TIMELESS: variants seen among roughly 807,000 people sequenced by gnomAD.
TIMELESS encodes protein timeless homolog.
Under a neutral mutation model 164.3 loss-of-function variants are expected in TIMELESS, and 124 were observed. That is an observed-to-expected ratio of 0.75 (90% CI 0.65 to 0.88). The LOEUF is 0.88. Among genes scored for constraint, TIMELESS ranks in the 40% least tolerant of loss-of-function variants. The pLI is 0.00. For missense variants in TIMELESS, 1,422 were observed against 1,491.4 expected, an observed-to-expected ratio of 0.95 and a Z score of 0.77; for synonymous variants, 564 against 563.4, an observed-to-expected ratio of 1.00 and a Z score of -0.02.
Position 56,433,109 on chromosome 12 carries a change from C to T in TIMELESS, c.448G>A (p.Glu150Lys). ...CGTTCAATCAGCAAGTTGTCTTCCT[C>T]CTGCCGTTCCTCCCAGCCCTAACCA... Reference protein sequence around the residue: ...LLQLGWEERQEEDNLLIERIL... With the variant: ...LLQLGWEERQKEDNLLIERIL... Residue 150 changes from glutamate to lysine, a missense_variant, in exon 6 of 29, where the codon GAG becomes AAG. Transcript: ENST00000553532. 6.2e-7 allele frequency: 1 copy of T among 1,614,158 alleles called. No individual in the cohort carries two copies. The highest frequency in any genetic ancestry group is 8.5e-7 in the Non-Finnish European group (1 of 1,180,022).
At chr12:56,437,351 T>C (rs1882105283) in intron 1 of TIMELESS, among the ~76,000 whole-genome samples, 1 of 151,928 alleles carries the variant, frequency 6.6e-6, no homozygotes, top group South Asian at 2.1e-4. Context: ...AGAAAGGAAA[T>C]CATTTGTACA....
chr12:56,445,984 C>T (rs1868345417), intron 1 of TIMELESS, among the ~76,000 whole-genome samples: 1 of 152,170 alleles, frequency 6.6e-6, no homozygotes, highest in Non-Finnish European at 1.5e-5. Context: ...CAGCTCCCGG[C>T]AGCCTCAACC....
chr12:56,434,008 G>T, intron 2 of TIMELESS, 66 bp downstream of exon 2: 1 of 1,611,522 alleles, frequency 6.2e-7, no homozygotes, highest in Non-Finnish European at 8.5e-7. Context: ...CCCATGGTTT[G>T]AGGAATTCAA....
chr12:56,418,408 C>G (rs1286904563), intron 26 of TIMELESS, 49 bp from the exon 27 acceptor site: 1 of 1,380,110 alleles, frequency 7.2e-7, no homozygotes. Flanking sequence ...TTTTTGTTTC[C>G]CAGAGTATGA....
In TIMELESS at chr12:56,433,571, C is replaced by CA; in HGVS notation, c.332dup (p.Leu111PhefsTer17). The CA allele has an allele frequency of 6.2e-7, 1 of 1,614,158 alleles. No individual in the cohort carries two copies. Among genetic ancestry groups the CA allele is most frequent in the Non-Finnish European group, 8.5e-7 (1 of 1,180,032 alleles). On this transcript the variant is annotated frameshift_variant, in exon 4 of 29. Coordinates refer to ENST00000553532, the MANE Select transcript of TIMELESS (RefSeq NM_003920.5). LOFTEE classifies it high-confidence loss of function. Reference sequence around the variant, plus strand: ...AGGCCTGCAAATAAGTTAGCACCTGCAAAAAATGGTGCCGAAAGCTGGGCT... The same window carrying CA: ...AGGCCTGCAAATAAGTTAGCACCTGCAAAAAAATGGTGCCGAAAGCTGGGCT...
Position 56,433,045 on chromosome 12 carries a change from G to T in TIMELESS, c.512C>A (p.Ala171Asp). 6.2e-7 allele frequency: 1 copy of T among 1,612,598 alleles called. No homozygotes were observed. Among genetic ancestry groups the T allele is most frequent in the Non-Finnish European group, 8.5e-7 (1 of 1,179,710 alleles). The stretch of plus-strand genomic sequence containing the variant: ...CCTCACCTTCTCCTGATCAAGGTCA[G>T]CTGGGACATGGAGAATATTTCTGAC... ...LLVRNILHVP[A>D]DLDQEKKIDD... Residue 171 changes from alanine (A) to aspartate (D), a missense_variant, in exon 6 of 29, where the codon GCT (alanine) becomes GAT (aspartate). Coordinates refer to ENST00000553532, the MANE Select transcript of TIMELESS (RefSeq NM_003920.5).
At chr12:56,436,866 T>C (rs1882086289) in intron 1 of TIMELESS, among the ~76,000 whole-genome samples, 1 of 152,152 alleles carries the variant, frequency 6.6e-6, no homozygotes, top group African/African-American at 2.4e-5. Flanking sequence ...GGGCTTCATT[T>C]TGTTTTGCTC....
At chr12:56,438,244 C>A (rs1194824316) in intron 1 of TIMELESS, among the ~76,000 whole-genome samples, 2 of 152,054 alleles carry the variant, frequency 1.3e-5, no homozygotes, top group Non-Finnish European at 2.9e-5. Context: ...GAGGTTTCTC[C>A]ATGTTGGTCA....
At chr12:56,448,607 T>A (rs1868436101) in intron 1 of TIMELESS, among the ~76,000 whole-genome samples, 1 of 150,216 alleles carries the variant, frequency 6.7e-6, no homozygotes, top group South Asian at 2.1e-4. Context: ...CGCGCGCCTG[T>A]AATCCCAGCT....
chr12:56,423,714 A>G lies in TIMELESS; in HGVS notation c.1967-7T>C, dbSNP rs1881581973. On this transcript the variant is annotated splice_region_variant and splice_polypyrimidine_tract_variant and intron_variant, in intron 16 of 28. Transcript: ENST00000553532. Reference sequence around the variant, plus strand: ...TCCTCTGGGCCCTGCTGCCCTATAGACAGAGGGAGGATTACTGAGTCTCTG... The same window carrying G: ...TCCTCTGGGCCCTGCTGCCCTATAGGCAGAGGGAGGATTACTGAGTCTCTG... 6 of 1,613,742 alleles carry G rather than the reference A, an allele frequency of 3.7e-6. No homozygotes were observed. Among genetic ancestry groups the G allele is most frequent in the Non-Finnish European group, 5.1e-6 (6 of 1,179,964 alleles).
intron 13 of TIMELESS, among the ~76,000 whole-genome samples, chr12:56,427,357 A>C (rs1326254608): frequency 6.6e-6 from 1 of 152,120 alleles, no homozygotes; most frequent in African/African-American, 2.4e-5. Context: ...TCCTGGCCTC[A>C]AATGATCCAC....
Position 56,433,482 on chromosome 12 carries a change from C to A in TIMELESS, c.367-39G>T, listed in dbSNP as rs920653210. 4 of 1,613,756 alleles carry A rather than the reference C, an allele frequency of 2.5e-6. No individual in the cohort carries two copies. In the East Asian group the frequency reaches 8.9e-5, roughly 36 times the overall value. ...AACCTGATCTTAAGTAGCAGTCATC[C>A]ACTTCTTCACCACTGCCCCATATTC... On this transcript the variant is annotated intron_variant, in intron 4 of 28. Coordinates refer to ENST00000553532, the MANE Select transcript of TIMELESS (RefSeq NM_003920.5).
At chr12:56,434,021 G>A (rs531765427) in intron 2 of TIMELESS, 53 bp downstream of exon 2, 1 of 1,611,396 alleles carries the variant, frequency 6.2e-7, no homozygotes, top group South Asian at 1.1e-5. Context: ...GAATTCAACA[G>A]ACCTCCTTAA....
intron 23 of TIMELESS, 54 bp from the exon 24 acceptor site, chr12:56,421,188 A>G (rs1881469360): frequency 6.2e-7 from 1 of 1,610,172 alleles, no homozygotes; most frequent in Non-Finnish European, 8.5e-7. Context: ...CAAGGAACTT[A>G]GTGGAGTCTC....
At chr12:56,444,275 C>A (rs959544561) in intron 1 of TIMELESS, among the ~76,000 whole-genome samples, 2 of 152,112 alleles carry the variant, frequency 1.3e-5, no homozygotes, top group African/African-American at 2.4e-5. Context: ...ATCCTCAAGC[C>A]CCTTCACTCT....
chr12:56,434,661 C>T (rs1882011588), intron 1 of TIMELESS, among the ~76,000 whole-genome samples: 1 of 152,182 alleles, frequency 6.6e-6, no homozygotes, highest in African/African-American at 2.4e-5. Flanking sequence ...GGCTTGAACC[C>T]AGGAGGCAGA....
chr12:56,432,308 T>C (rs1189632277), intron 7 of TIMELESS, 61 bp downstream of exon 7: 3 of 1,551,604 alleles, frequency 1.9e-6, no homozygotes, highest in Non-Finnish European at 2.6e-6. Context: ...AGAGCAATTC[T>C]GGCTGTACAG....
chr12:56,435,730 C>T (rs568771039), intron 1 of TIMELESS, among the ~76,000 whole-genome samples: 21 of 152,036 alleles, frequency 1.4e-4, no homozygotes, highest in Admixed American at 6.5e-4. Context: ...GAGGCTGAGG[C>T]GGGCGGATCA....
At chr12:56,444,950 T>C (rs1204201325) in intron 1 of TIMELESS, among the ~76,000 whole-genome samples, 1 of 151,334 alleles carries the variant, frequency 6.6e-6, no homozygotes, top group Non-Finnish European at 1.5e-5. Context: ...AGCTATTGAG[T>C]TGACAATCTC....
Sources: gnomAD v4.1 joint callset for allele counts (sites outside exome capture counted in the v4.1 genomes callset) on GRCh38, gnomAD v4.1.1 for gene constraint, MANE v1.5 for transcripts, NCBI Gene and HGNC (gene_info 2026-07-23, HGNC 2026-07-21) for gene names.